Variants in IBTK observed in about 807,000 individuals in gnomAD.
The protein encoded by IBTK is inhibitor of Bruton tyrosine kinase.
IBTK carries 83 observed loss-of-function variants against 154.9 expected under a neutral mutation model. The observed-to-expected ratio is 0.54, with a 90% CI of 0.45 to 0.64. The LOEUF is 0.64. Among genes scored for constraint, IBTK ranks in the 30% least tolerant of loss-of-function variants. The probability of loss-of-function intolerance (pLI) is 0.00; values close to 1 mark genes in which losing one functional copy is unlikely to be tolerated. For missense variants in IBTK, 1,332 were observed against 1,584.6 expected, an observed-to-expected ratio of 0.84 and a Z score of 2.71; for synonymous variants, 515 against 536.1, an observed-to-expected ratio of 0.96 and a Z score of 0.54.
chr6:82,195,149 C>T (rs1768932718), intron 22 of IBTK, among the ~76,000 whole-genome samples: 1 of 152,118 alleles, frequency 6.6e-6, no homozygotes, highest in Non-Finnish European at 1.5e-5. Flanking sequence ...ATGTCTATTT[C>T]CAGGATAGAT....
At chr6:82,192,170 T>C (rs1008679121) in intron 23 of IBTK, among the ~76,000 whole-genome samples, 2 of 152,130 alleles carry the variant, frequency 1.3e-5, no homozygotes, top group African/African-American at 4.8e-5. Flanking sequence ...GAAATTCCTA[T>C]ATTTAAAAAA....
At chr6:82,205,002 A>G (rs746456971) in intron 16 of IBTK, 44 bp from the exon 17 acceptor site, 1 of 1,276,306 alleles carries the variant, frequency 7.8e-7, no homozygotes, top group South Asian at 1.4e-5. Flanking sequence ...CTTTGTATAC[A>G]TTATACCTAG....
At chr6:82,215,763 A>G in intron 11 of IBTK, among the ~76,000 whole-genome samples, 1 of 142,194 alleles carries the variant, frequency 7.0e-6, no homozygotes, top group South Asian at 2.4e-4. Context: ...CCTGGGCAAT[A>G]GAGCAAGACT....
chr6:82,187,051 G>C (rs1768582494), intron 25 of IBTK, among the ~76,000 whole-genome samples: 1 of 151,650 alleles, frequency 6.6e-6, no homozygotes, highest in Admixed American at 6.6e-5. Context: ...AAGTAGCTGG[G>C]ATTACAGGCA....
At chr6:82,200,378 G>C in intron 20 of IBTK, 125 bp from the exon 21 acceptor site, 1 of 760,042 alleles carries the variant, frequency 1.3e-6, no homozygotes, top group Admixed American at 2.7e-5. Flanking sequence ...CAATGTGTTA[G>C]ACCTACAGAT....
chr6:82,223,635 A>G lies in IBTK; in HGVS notation c.944-15T>C, dbSNP rs905849476. On this transcript the variant is annotated splice_polypyrimidine_tract_variant and intron_variant, in intron 7 of 28. Coordinates refer to ENST00000306270, the MANE Select transcript of IBTK (RefSeq NM_015525.4). ...TAGCAAACAACCTAAAAAATGATAC[A>G]AATAAGCAAATCACAAAATAGCTCT... The G allele has an allele frequency of 5.0e-6, 8 of 1,605,510 alleles. No individual in the cohort carries two copies. The highest frequency in any genetic ancestry group is 6.8e-6 in the Non-Finnish European group (8 of 1,173,402).
intron 1 of IBTK, among the ~76,000 whole-genome samples, chr6:82,242,765 T>C (rs968892027): frequency 1.3e-5 from 2 of 150,812 alleles, no homozygotes; most frequent in East Asian, 1.9e-4. Flanking sequence ...GCCAAGATGG[T>C]GAAACCCCAT....
intron 15 of IBTK, among the ~76,000 whole-genome samples, 182 bp downstream of exon 15, chr6:82,211,185 T>C (rs1228254737): frequency 6.6e-6 from 1 of 152,190 alleles, no homozygotes; most frequent in Non-Finnish European, 1.5e-5. Context: ...AAGTAGCTTC[T>C]TGGCAATAAT....
Position 82,204,967 on chromosome 6 carries a change from A to C in IBTK, c.2510-9T>G. 1 of 1,555,524 alleles carries C rather than the reference A, an allele frequency of 6.4e-7. No homozygotes were observed. Among genetic ancestry groups the C allele is most frequent in the Non-Finnish European group, 8.8e-7 (1 of 1,139,390 alleles). Reference sequence around the variant, plus strand: ...ATCTACATTTTGAGATTCTAAAAAAAGAAAGAAAACAAGCATCACTTTTTC... The same window carrying C: ...ATCTACATTTTGAGATTCTAAAAAACGAAAGAAAACAAGCATCACTTTTTC... On this transcript the variant is annotated splice_polypyrimidine_tract_variant and intron_variant, in intron 16 of 28. Transcript: ENST00000306270.
intron 3 of IBTK, among the ~76,000 whole-genome samples, chr6:82,233,404 C>A (rs1162416979): frequency 9.9e-5 from 15 of 152,004 alleles, no homozygotes; most frequent in Admixed American, 9.8e-4. Flanking sequence ...ATTTACATTC[C>A]TTTTTCCTTC....
chr6:82,194,103 A>G (rs1768891374), intron 23 of IBTK, among the ~76,000 whole-genome samples: 1 of 152,196 alleles, frequency 6.6e-6, no homozygotes, highest in African/African-American at 2.4e-5. Context: ...ATTTTGTGAA[A>G]TTTTAAATAC....
chr6:82,181,246 T>C (rs2127798979), intron 26 of IBTK, among the ~76,000 whole-genome samples: 1 of 152,026 alleles, frequency 6.6e-6, no homozygotes, highest in South Asian at 2.1e-4. Flanking sequence ...AAATTAAAAT[T>C]AAAAAATAGC....
At chr6:82,187,866 G>C (rs977113821) in intron 25 of IBTK, among the ~76,000 whole-genome samples, 4 of 152,164 alleles carry the variant, frequency 2.6e-5, no homozygotes, top group Admixed American at 2.0e-4. Context: ...TAGTAATAGA[G>C]GATGGCGGGA....
chr6:82,214,292 T>C lies in IBTK; in HGVS notation c.2139A>G (p.Glu713=), dbSNP rs761139249. ...KSCKKGKNIR[E]DDPVRMLQTV... ...TTTGCAACATTCTTACAGGATCATC[T>C]TCCCTAATATTTTTTCCTTTTTTAC... Residue 713 remains glutamate, a synonymous_variant, in exon 12 of 29, where the codon GAA becomes GAG. Coordinates refer to ENST00000306270, the MANE Select transcript of IBTK (RefSeq NM_015525.4). 1 of 1,613,640 alleles carries C rather than the reference T, an allele frequency of 6.2e-7. No homozygotes were observed. Among genetic ancestry groups the C allele is most frequent in the Non-Finnish European group, 8.5e-7 (1 of 1,179,710 alleles).
intron 25 of IBTK, among the ~76,000 whole-genome samples, chr6:82,185,406 T>C (rs1373317494): frequency 6.6e-6 from 1 of 150,934 alleles, no homozygotes; most frequent in East Asian, 1.9e-4. Flanking sequence ...AATAAAAAAT[T>C]AGCTGAGCAT....
chr6:82,218,054 A>C lies in IBTK; in HGVS notation c.1332T>G (p.Ala444=). The C allele has an allele frequency of 6.2e-7, 1 of 1,612,400 alleles. No homozygotes were observed. The highest frequency in any genetic ancestry group is 1.1e-5 in the South Asian group (1 of 90,860). The change falls in exon 10 of 29, where the codon GCT becomes GCG. Residue 444 remains alanine (A), a synonymous_variant. Transcript: ENST00000306270. ...YPRQVFISDI[A]LNRNEILFVT... ...CAAATAGAATTTCATTTCTATTTAA[A>C]GCAATATCAGAAATGAAGACCTGAC...
rs1770477757 is a variant in IBTK at position 82,230,874 on chromosome 6, C to A, written c.543+844G>T. 3.3e-5 allele frequency among the ~76,000 whole-genome samples: 5 copies of A among 152,232 alleles called. No individual in the cohort carries two copies. In the South Asian group the frequency reaches 1.0e-3, roughly 32 times the overall value. On this transcript the variant is annotated intron_variant, in intron 4 of 28. Transcript: ENST00000306270. Reference sequence around the variant, plus strand: ...AAGGATATAAGACCACAGACCAAATCTTTACAATTGTATCTATTAAAATTT... The same window carrying A: ...AAGGATATAAGACCACAGACCAAATATTTACAATTGTATCTATTAAAATTT...
chr6:82,237,456 A>G (rs887347563), intron 2 of IBTK, among the ~76,000 whole-genome samples: 1 of 152,164 alleles, frequency 6.6e-6, no homozygotes, highest in Admixed American at 6.5e-5. Flanking sequence ...GGGGGAAAAA[A>G]AAAGGAAAGT....
intron 9 of IBTK, among the ~76,000 whole-genome samples, chr6:82,219,543 CTAAATA>C (rs1468191319): frequency 1.3e-5 from 2 of 151,626 alleles, no homozygotes; most frequent in Non-Finnish European, 2.9e-5. Flanking sequence ...TTTTTAAAAT[CTAAATA>C]TATTATTTAG....
Sources: gnomAD v4.1 joint callset for allele counts (sites outside exome capture counted in the v4.1 genomes callset) on GRCh38, gnomAD v4.1.1 for gene constraint, MANE v1.5 for transcripts, NCBI Gene and HGNC (gene_info 2026-07-23, HGNC 2026-07-21) for gene names.